HAX1: variants seen among roughly 807,000 people sequenced by gnomAD.
HAX1 encodes the protein HCLS1 associated protein X-1.
In HAX1, 27 loss-of-function variants were observed where a neutral mutation model predicts 31.1. The ratio of observed to expected loss-of-function variants is 0.87; its 90% confidence interval spans 0.64 to 1.20. The LOEUF (loss-of-function observed/expected upper bound fraction) is 1.20. HAX1 is among the 50% of genes most tolerant of loss of function. The pLI is 0.00. For missense variants in HAX1, 357 were observed against 361.6 expected, an observed-to-expected ratio of 0.99 and a Z score of 0.10; for synonymous variants, 114 against 124.1, an observed-to-expected ratio of 0.92 and a Z score of 0.54.
intron 2 of HAX1, 86 bp downstream of exon 2, chr1:154,273,684 T>C (rs1684871512): frequency 6.3e-7 from 1 of 1,590,564 alleles, no homozygotes; most frequent in Non-Finnish European, 8.6e-7. Flanking sequence ...AGCTGGGGGA[T>C]GGGAAGTGTG....
chr1:154,275,259 G>A lies in HAX1; in HGVS notation c.662G>A (p.Gly221Glu), dbSNP rs1440278195. ...GTGACCAAGATCACTAAACCAGATG[G>A]GGTGAGTTGAAAGAAAGAGGTAAAG... Reference protein sequence around the residue: ...ISVTKITKPDGIVEERRTVVD... With the variant: ...ISVTKITKPDEIVEERRTVVD... The change falls in exon 5 of 7, where the codon GGG becomes GAG. Residue 221 changes from glycine (G) to glutamate (E), a missense_variant and splice_region_variant. Gly to Glu is a moderately conservative substitution (Grantham distance 98). Transcript: ENST00000328703. 6.2e-7 allele frequency: 1 copy of A among 1,604,740 alleles called. No individual in the cohort carries two copies. The highest frequency in any genetic ancestry group is 8.5e-7 in the Non-Finnish European group (1 of 1,171,456).
rs753454019 is a variant in HAX1, at chr1:154,273,321, T to G, written c.54-15T>G. ...AGTGCTGAAATATTGGTGGCCAATC[T>G]GCCTCCACTCTCAGCCACAGAGATC... On this transcript the variant is annotated splice_polypyrimidine_tract_variant and intron_variant, in intron 1 of 6. Coordinates refer to ENST00000328703, the MANE Select transcript of HAX1 (RefSeq NM_006118.4). 4.3e-6 allele frequency: 7 copies of G among 1,613,942 alleles called. No homozygotes were observed. In the Admixed American group the frequency reaches 1.2e-4, roughly 27 times the overall value.
chr1:154,275,066 C>A, intron 4 of HAX1, 65 bp downstream of exon 4: 1 of 1,469,558 alleles, frequency 6.8e-7, no homozygotes, highest in Non-Finnish European at 9.5e-7. Context: ...TGTGTGTTCT[C>A]CCTCCCTGAA....
rs113569851 is a variant in HAX1, at chr1:154,273,234, C to A, written c.54-102C>A. ...GCCAGTCCTCCGACCCTCTCCCTAG[C>A]TTCCCAGACCCCTTGCTCTTGTCCC... is the stretch of plus-strand genomic sequence containing the variant. On this transcript the variant is annotated intron_variant, in intron 1 of 6. Coordinates refer to ENST00000328703, the MANE Select transcript of HAX1 (RefSeq NM_006118.4). The A allele has an allele frequency of 1.1e-5, 15 of 1,408,178 alleles. No homozygotes were observed. In the African/African-American group the frequency reaches 1.3e-4, roughly 12 times the overall value. 87.2% of individuals were successfully genotyped at this position (1,408,178 alleles called of 1,614,324 possible).
chr1:154,274,012 A>G (rs373143247), intron 3 of HAX1, 51 bp downstream of exon 3: 4 of 1,527,478 alleles, frequency 2.6e-6, no homozygotes, highest in African/African-American at 1.4e-5. Flanking sequence ...GACCACTAAT[A>G]AAGTGCAAAG....
rs1329627878 is a variant in HAX1, at chr1:154,273,640, G to C, written c.316+42G>C. ...AAGGGGCAACCTGTGGTTTCTGGTG[G>C]GTTGGTGGGTGAAATAAAGAGCCTG... is the stretch of plus-strand genomic sequence containing the variant. On this transcript the variant is annotated intron_variant, in intron 2 of 6. Coordinates refer to ENST00000328703, the MANE Select transcript of HAX1 (RefSeq NM_006118.4). 3.1e-6 allele frequency: 5 copies of C among 1,607,714 alleles called. No homozygotes were observed. The African/African-American group carries it at 5.3e-5, about 17-fold the overall frequency.
rs1684880944 is a variant in HAX1, at chr1:154,273,966, G to A, written c.504+5G>A. ...TCCCAGAGGCCATTTCATAGGGTGA[G>A]TATCCCATCTGGTCCTGAAGTGAGA... On this transcript the variant is annotated splice_donor_5th_base_variant and intron_variant, in intron 3 of 6. Transcript: ENST00000328703. The A allele has an allele frequency of 6.2e-7, 1 of 1,612,184 alleles. No individual in the cohort carries two copies. Among genetic ancestry groups the A allele is most frequent in the Non-Finnish European group, 8.5e-7 (1 of 1,178,272 alleles).
intron 2 of HAX1, 51 bp downstream of exon 2, chr1:154,273,649 G>A: frequency 6.2e-7 from 1 of 1,603,184 alleles, no homozygotes; most frequent in Non-Finnish European, 8.5e-7. Flanking sequence ...GGGTTGGTGG[G>A]TGAAATAAAG....
intron 1 of HAX1, chr1:154,273,003 C>T (rs1343849948): frequency 1.6e-6 from 1 of 616,734 alleles, no homozygotes; most frequent in African/African-American, 1.8e-5. Flanking sequence ...AACAGGGACC[C>T]GGGCGGGGAA....
rs535226830 is a variant in HAX1, at chr1:154,274,994, G to A, written c.549G>A (p.Glu183=). 5.0e-6 allele frequency: 8 copies of A among 1,610,000 alleles called. No homozygotes were observed. In the South Asian group the frequency reaches 6.6e-5, roughly 13 times the overall value. The change falls in exon 4 of 7, where the codon GAG becomes GAA. Residue 183 remains glutamate (E), a synonymous_variant. Coordinates refer to ENST00000328703, the MANE Select transcript of HAX1 (RefSeq NM_006118.4). ...WPMDPHPRTR[E]DNDLDSQVSQ... is the part of the protein sequence containing the mutation. Reference sequence around the variant, plus strand: ...TGGACCCCCATCCTAGAACCAGAGAGGACAATGGTAAGTCTGGAGGAAGGG... The same window carrying A: ...TGGACCCCCATCCTAGAACCAGAGAAGACAATGGTAAGTCTGGAGGAAGGG...
At chr1:154,274,893 A>C in intron 3 of HAX1, 57 bp from the exon 4 acceptor site, 1 of 1,304,202 alleles carries the variant, frequency 7.7e-7, no homozygotes, top group South Asian at 1.2e-5. Flanking sequence ...GAGGTCTATG[A>C]CCTTTCAAAT....
rs1278748171 is a variant in HAX1, at chr1:154,273,607, C to CT, written c.316+12dup. ...GCCTTCCCATCCTCCTGGTGTGTGGCTTTCCCTAAGGGGCAACCTGTGGTT... is the reference window on the plus strand; with the variant it reads ...GCCTTCCCATCCTCCTGGTGTGTGGCTTTTCCCTAAGGGGCAACCTGTGGTT... On this transcript the variant is annotated intron_variant, in intron 2 of 6. Transcript: ENST00000328703. 13 of 1,613,808 alleles carry CT rather than the reference C, an allele frequency of 8.1e-6. No homozygotes were observed. The African/African-American group carries it at 1.7e-4, about 22-fold the overall frequency.
At chr1:154,274,885 G>A in intron 3 of HAX1, 65 bp from the exon 4 acceptor site, 1 of 1,194,942 alleles carries the variant, frequency 8.4e-7, no homozygotes, top group Non-Finnish European at 1.2e-6. Flanking sequence ...AGTAGTTTGA[G>A]GTCTATGACC....
chr1:154,273,258 C>G, intron 1 of HAX1, 78 bp from the exon 2 acceptor site: 1 of 1,595,026 alleles, frequency 6.3e-7, no homozygotes, highest in East Asian at 2.2e-5. Context: ...TGCTCTTGTC[C>G]CACTTTGCCA....
At chr1:154,273,723 T>G (rs1201669425) in intron 2 of HAX1, 51 bp from the exon 3 acceptor site, 2 of 1,609,374 alleles carry the variant, frequency 1.2e-6, no homozygotes, top group East Asian at 4.5e-5. Flanking sequence ...GAGAGATTAA[T>G]AGAGCCCAAG....
chr1:154,273,176 T>G (rs1346172933), intron 1 of HAX1, 160 bp from the exon 2 acceptor site: 2 of 687,088 alleles, frequency 2.9e-6, no homozygotes. Context: ...AAAAAAGAAC[T>G]GTCAGCCATT....
Position 154,275,311 on chromosome 1 carries a change from C to T in HAX1, c.663+51C>T, listed in dbSNP as rs1337425269. The T allele has an allele frequency of 1.9e-6, 3 of 1,554,620 alleles. No homozygotes were observed. The South Asian group carries it at 3.3e-5, about 17-fold the overall frequency. On this transcript the variant is annotated intron_variant, in intron 5 of 6. Transcript: ENST00000328703. ...AAAGTATGGCCAGGGAACGAATGCC[C>T]TGAAACAGGGATCTGTGTAAAGAAA...
intron 1 of HAX1, 30 bp downstream of exon 1, chr1:154,272,806 G>A (rs373206656): frequency 4.4e-6 from 7 of 1,605,746 alleles, no homozygotes; most frequent in African/African-American, 2.7e-5. Context: ...GGACAAGGGT[G>A]GGGGTCGTCT....
chr1:154,272,672 G>T lies in HAX1; in HGVS notation c.-52G>T, dbSNP rs578086387. On this transcript the variant is annotated 5_prime_UTR_variant, in exon 1 of 7. Transcript: ENST00000328703. Reference sequence around the variant, plus strand: ...TCACAGGGCTGCGCAGGTTTCCCCCGTCTGCGAATGGACCACTGGAGGGGT... The same window carrying T: ...TCACAGGGCTGCGCAGGTTTCCCCCTTCTGCGAATGGACCACTGGAGGGGT... The T allele has an allele frequency of 2.3e-3, 3,668 of 1,582,242 alleles. 100 individuals are homozygous for T. The South Asian group carries it at 0.038, about 16-fold the overall frequency.
Sources: gnomAD v4.1 joint callset for allele counts on GRCh38, gnomAD v4.1.1 for gene constraint, MANE v1.5 for transcripts, NCBI Gene and HGNC (gene_info 2026-07-23, HGNC 2026-07-21) for gene names.